The following MOB1B variants were observed in gnomAD, a reference collection of about 807,000 sequenced individuals.
MOB1B encodes the protein MOB kinase activator 1B.
A neutral mutation model predicts 24.4 loss-of-function variants in MOB1B; 19 were observed. The ratio of observed to expected loss-of-function variants is 0.78; its 90% CI spans 0.54 to 1.14. MOB1B has a LOEUF of 1.14. Among genes scored for constraint, MOB1B ranks in the 50% most tolerant of loss-of-function variants. The pLI, the probability that MOB1B is intolerant of heterozygous loss-of-function variation, is 0.00. For synonymous variants in MOB1B, 76 were observed against 82.1 expected (o/e 0.93, Z 0.40); for missense variants, 243 against 259.6 (o/e 0.94, Z 0.44).
chr4:70,950,427 CAAAAAA>C (rs34937726), intron 1 of MOB1B, among the ~76,000 whole-genome samples: 4 of 70,392 alleles, frequency 5.7e-5, no homozygotes, highest in Admixed American at 1.6e-4. Context: ...GTCTCTGTAT[CAAAAAA>C]AAAAAAAAAA....
chr4:70,979,831 TC>T (rs778685332), intron 5 of MOB1B, among the ~76,000 whole-genome samples: 3 of 152,218 alleles, frequency 2.0e-5, no homozygotes, highest in Non-Finnish European at 4.4e-5. Flanking sequence ...TGGTCTGACT[TC>T]CTAGTTAACT....
At chr4:70,980,286 A>G (rs1246668073) in intron 5 of MOB1B, among the ~76,000 whole-genome samples, 1 of 152,190 alleles carries the variant, frequency 6.6e-6, no homozygotes, top group African/African-American at 2.4e-5. Context: ...CTCAGGAACA[A>G]AGAAAATGTT....
chr4:70,953,587 AAAAAC>A (rs1448922999), intron 1 of MOB1B, among the ~76,000 whole-genome samples: 1 of 152,222 alleles, frequency 6.6e-6, no homozygotes, highest in Non-Finnish European at 1.5e-5. Flanking sequence ...CGGACTCTCA[AAAAAC>A]AAAATAAAAA....
chr4:70,966,429 C>T (rs1738532784), intron 2 of MOB1B, among the ~76,000 whole-genome samples: 1 of 150,308 alleles, frequency 6.7e-6, no homozygotes, highest in Non-Finnish European at 1.5e-5. Context: ...GGCTGGAGTG[C>T]AATGGCATGA....
chr4:70,976,020 A>C (rs946264514), intron 4 of MOB1B: 4 of 264,282 alleles, frequency 1.5e-5, no homozygotes, highest in Non-Finnish European at 2.3e-5. Flanking sequence ...TTGCCTCAGC[A>C]TCCTAAGTAA....
chr4:70,949,777 G>T (rs1402314573), intron 1 of MOB1B, among the ~76,000 whole-genome samples: 2 of 151,984 alleles, frequency 1.3e-5, no homozygotes, highest in African/African-American at 4.8e-5. Flanking sequence ...TGAACCTGTG[G>T]TCCCAACTAC....
intron 2 of MOB1B, among the ~76,000 whole-genome samples, chr4:70,966,182 A>G (rs1266887571): frequency 2.0e-5 from 3 of 152,160 alleles, no homozygotes; most frequent in Non-Finnish European, 4.4e-5. Context: ...TGAATCTAGT[A>G]ACATTTTAAA....
At chr4:70,902,667 G>T in intron 1 of MOB1B, 117 bp downstream of exon 1, 2 of 1,009,422 alleles carry the variant, frequency 2.0e-6, no homozygotes, top group Non-Finnish European at 2.7e-6. Flanking sequence ...CGCTCCCGGG[G>T]CCCGGCGTCA....
intron 2 of MOB1B, among the ~76,000 whole-genome samples, chr4:70,968,146 G>A (rs1038591654): frequency 1.3e-5 from 2 of 151,400 alleles, no homozygotes; most frequent in Non-Finnish European, 3.0e-5. Context: ...CATCTTGCCC[G>A]GCCTATGCTC....
At chr4:70,970,332 A>G (rs1206139018) in intron 3 of MOB1B, among the ~76,000 whole-genome samples, 2 of 151,742 alleles carry the variant, frequency 1.3e-5, no homozygotes, top group African/African-American at 4.8e-5. Context: ...CTTCTCTCCC[A>G]TTTCACTCCT....
Position 70,958,728 on chromosome 4 carries a change from G to T in MOB1B, c.15-146G>T, listed in dbSNP as rs181913245. 1.1e-4 allele frequency: 99 copies of T among 872,572 alleles called. No individual in the cohort carries two copies. The African/African-American group carries it at 1.3e-3, about 12-fold the overall frequency. 54.1% of individuals were successfully genotyped at this position (872,572 alleles called of 1,614,324 possible). A position where few individuals can be genotyped will look rare whatever the true frequency, so the allele number is the denominator to read the frequency against. ...TAGACACAGCAGAGAAAGTTTGTAGGAGTTTTGGATGGAGAGCACAGTAGT... is the reference window on the plus strand; with the variant it reads ...TAGACACAGCAGAGAAAGTTTGTAGTAGTTTTGGATGGAGAGCACAGTAGT... On this transcript the variant is annotated intron_variant, in intron 1 of 5. Coordinates refer to ENST00000309395, the MANE Select transcript of MOB1B (RefSeq NM_173468.4).
intron 4 of MOB1B, 126 bp from the exon 5 acceptor site, chr4:70,979,002 G>C: frequency 1.3e-6 from 1 of 745,152 alleles, no homozygotes; most frequent in East Asian, 2.5e-5. Flanking sequence ...ATGGGTATAT[G>C]TATAAATTCA....
chr4:70,974,713 T>A (rs1325889034), intron 3 of MOB1B, among the ~76,000 whole-genome samples: 1 of 152,204 alleles, frequency 6.6e-6, no homozygotes, highest in Non-Finnish European at 1.5e-5. Context: ...TTGGTGCTTC[T>A]GTGTCATTCT....
intron 3 of MOB1B, among the ~76,000 whole-genome samples, chr4:70,974,941 G>A (rs1738916306): frequency 1.3e-5 from 2 of 152,288 alleles, no homozygotes; most frequent in Non-Finnish European, 2.9e-5. Context: ...GGAGAGCATA[G>A]AAACAAAACA....
intron 1 of MOB1B, among the ~76,000 whole-genome samples, chr4:70,929,626 A>G (rs1029103916): frequency 1.6e-4 from 24 of 150,732 alleles, no homozygotes; most frequent in Admixed American, 4.6e-4. Flanking sequence ...GACCACAGGT[A>G]CACGTCACCA....
In MOB1B at chr4:70,985,162, T is replaced by G. The variant is rs755394877; in HGVS notation, c.*3105T>G. 3.3e-5 allele frequency: 5 copies of G among 152,222 alleles called. No individual in the cohort carries two copies. Among genetic ancestry groups the G allele is most frequent in the Non-Finnish European group, 5.9e-5 (4 of 68,042 alleles). 9.4% of individuals were successfully genotyped at this position (152,222 alleles called of 1,614,324 possible). Reference sequence around the variant, plus strand: ...CCATTTTATATATTAGCATTTTCCTTGCTTATGGGAAAATAGCAAAACAAC... The same window carrying G: ...CCATTTTATATATTAGCATTTTCCTGGCTTATGGGAAAATAGCAAAACAAC... On this transcript the variant is annotated 3_prime_UTR_variant, in exon 6 of 6. Coordinates refer to ENST00000309395, the MANE Select transcript of MOB1B (RefSeq NM_173468.4).
intron 1 of MOB1B, among the ~76,000 whole-genome samples, chr4:70,919,389 G>T (rs1239002717): frequency 4.0e-5 from 6 of 150,588 alleles, no homozygotes; most frequent in African/African-American, 1.5e-4. Context: ...TATTTATTTT[G>T]CCAGAATGAT....
rs1255424279 is a variant in MOB1B at position 70,983,664 on chromosome 4, G to C, written c.*1607G>C. 6.6e-6 allele frequency: 1 copy of C among 152,458 alleles called. No homozygotes were observed. The allele number at this position is 152,458 out of a possible 1,614,324, so 9.4% of individuals were successfully genotyped here. Reference sequence around the variant, plus strand: ...TAGATTAAAAACACTCAGTAGAAAAGAATCTAAAATTAAATGAATTTGTTT... The same window carrying C: ...TAGATTAAAAACACTCAGTAGAAAACAATCTAAAATTAAATGAATTTGTTT... On this transcript the variant is annotated 3_prime_UTR_variant, in exon 6 of 6. Coordinates refer to ENST00000309395, the MANE Select transcript of MOB1B (RefSeq NM_173468.4).
intron 1 of MOB1B, among the ~76,000 whole-genome samples, chr4:70,939,803 G>GT (rs942171373): frequency 2.2e-4 from 34 of 152,356 alleles, no homozygotes; most frequent in Admixed American, 4.6e-4. Flanking sequence ...AGGACAGAGA[G>GT]TTTTTTGTAT....
Sources: allele counts gnomAD v4.1 joint callset (sites outside exome capture counted in the v4.1 genomes callset), GRCh38; gene constraint gnomAD v4.1.1; transcripts MANE v1.5; gene names NCBI Gene and HGNC (gene_info 2026-07-23, HGNC 2026-07-21).